The following SLC9A9 variants were observed in gnomAD, a reference collection of about 807,000 sequenced individuals.
SLC9A9 encodes the protein sodium/hydrogen exchanger 9.
A neutral mutation model predicts 77.8 loss-of-function variants in SLC9A9; 62 were observed. That is an observed-to-expected ratio of 0.80 (90% CI 0.65 to 0.98). SLC9A9 has a LOEUF of 0.98. Among genes scored for constraint, SLC9A9 ranks in the 50% least tolerant of loss-of-function variants. The pLI is 0.00. For synonymous variants in SLC9A9, 320 were observed against 283.5 expected (o/e 1.13, Z -1.29); for missense variants, 775 against 774.9 (o/e 1.00, Z 0.00).
chr3:143,381,825 A>G (rs13099123), intron 13 of SLC9A9: 208,621 of 537,008 alleles, frequency 0.39, 41,466 homozygotes, highest in Middle Eastern at 0.42. Context: ...AAGTTTCCAG[A>G]CTTCCTGCTG....
At chr3:143,672,775 ATTTATGCAGATGT>A (rs2039178732) in intron 5 of SLC9A9, among the ~76,000 whole-genome samples, 2 of 152,224 alleles carry the variant, frequency 1.3e-5, no homozygotes, top group Non-Finnish European at 2.9e-5. Context: ...AATCACCATT[ATTTATGCAGATGT>A]TCCCACATAA....
intron 13 of SLC9A9, among the ~76,000 whole-genome samples, chr3:143,366,818 T>C (rs969264572): frequency 6.6e-6 from 1 of 152,158 alleles, no homozygotes; most frequent in Non-Finnish European, 1.5e-5. Context: ...TCCTCTTATC[T>C]AGATGGGGCC....
At chr3:143,814,108 T>C (rs73158092) in intron 2 of SLC9A9, among the ~76,000 whole-genome samples, 74 of 152,190 alleles carry the variant, frequency 4.9e-4, no homozygotes, top group Non-Finnish European at 8.2e-4. Flanking sequence ...GAGGTAAAAA[T>C]AGAAAACTCC....
At chr3:143,604,938 A>C (rs2037897889) in intron 6 of SLC9A9, among the ~76,000 whole-genome samples, 1 of 152,194 alleles carries the variant, frequency 6.6e-6, no homozygotes, top group African/African-American at 2.4e-5. Flanking sequence ...TCCGGTTGAA[A>C]CAAGTTAGAG....
At chr3:143,806,551 A>G (rs2008718502) in intron 2 of SLC9A9, among the ~76,000 whole-genome samples, 11 of 152,220 alleles carry the variant, frequency 7.2e-5, no homozygotes, top group Admixed American at 7.2e-4. Context: ...AAATGTATTA[A>G]AATGGAATGA....
chr3:143,701,043 C>T (rs1419230630), intron 4 of SLC9A9, among the ~76,000 whole-genome samples: 1 of 152,220 alleles, frequency 6.6e-6, no homozygotes, highest in Non-Finnish European at 1.5e-5. Context: ...CCAATCTTAC[C>T]TAAGGCCTTC....
rs115966745 is a variant in SLC9A9 at position 143,300,110 on chromosome 3, C to T, written c.1605-31130G>A. On this transcript the variant is annotated intron_variant, in intron 14 of 15. Coordinates refer to ENST00000316549, the MANE Select transcript of SLC9A9 (RefSeq NM_173653.4). ...TGTTTGGCACACAGGTTGAGAAAGT[C>T]TGACTGAGTGGTTAAAAGCGTGTGC... 5.2e-3 allele frequency among the ~76,000 whole-genome samples: 789 copies of T among 152,268 alleles called. 7 individuals carry two copies. Among genetic ancestry groups the T allele is most frequent in the African/African-American group, 0.012 (484 of 41,556 alleles).
chr3:143,628,194 A>G (rs1278988388), intron 6 of SLC9A9, among the ~76,000 whole-genome samples: 2 of 152,178 alleles, frequency 1.3e-5, no homozygotes, highest in Non-Finnish European at 2.9e-5. Context: ...GGATGGAGGG[A>G]TAAAAGGAGA....
intron 4 of SLC9A9, among the ~76,000 whole-genome samples, chr3:143,735,645 T>A (rs536492183): frequency 6.6e-6 from 1 of 152,378 alleles, no homozygotes; most frequent in African/African-American, 2.4e-5. Flanking sequence ...ATTCAAACCA[T>A]AGGCTTCCTT....
chr3:143,360,692 ATG>A (rs2032725960), intron 14 of SLC9A9, among the ~76,000 whole-genome samples: 1 of 152,236 alleles, frequency 6.6e-6, no homozygotes, highest in Admixed American at 6.5e-5. Context: ...AAACAAAACT[ATG>A]TGAGTGACTG....
chr3:143,769,196 A>T (rs549780636), intron 4 of SLC9A9, among the ~76,000 whole-genome samples: 13 of 152,332 alleles, frequency 8.5e-5, no homozygotes, highest in African/African-American at 3.1e-4. Context: ...AGGAGCTGCC[A>T]AAGTAGATGC....
intron 6 of SLC9A9, among the ~76,000 whole-genome samples, chr3:143,648,515 G>A (rs2038741713): frequency 6.6e-6 from 1 of 152,202 alleles, no homozygotes; most frequent in South Asian, 2.1e-4. Flanking sequence ...CTGCTGTGTG[G>A]CCCAGTTCCT....
chr3:143,270,591 A>T (rs1001048322), intron 14 of SLC9A9, among the ~76,000 whole-genome samples: 1 of 152,194 alleles, frequency 6.6e-6, no homozygotes, highest in African/African-American at 2.4e-5. Flanking sequence ...TGGAGTACAA[A>T]TTAAAAAAAA....
chr3:143,768,839 C>A (rs2007417072), intron 4 of SLC9A9, among the ~76,000 whole-genome samples: 1 of 152,176 alleles, frequency 6.6e-6, no homozygotes, highest in Non-Finnish European at 1.5e-5. Context: ...CACTGTGCAA[C>A]AGTGTGTATA....
At chr3:143,627,514 G>T (rs1258730458) in intron 6 of SLC9A9, 2 of 286,206 alleles carry the variant, frequency 7.0e-6, no homozygotes, top group Non-Finnish European at 1.4e-5. Flanking sequence ...GACACAGTAT[G>T]CCACATGCAG....
chr3:143,442,114 G>C (rs747450661), intron 12 of SLC9A9, among the ~76,000 whole-genome samples: 19 of 152,106 alleles, frequency 1.2e-4, no homozygotes, highest in Admixed American at 1.3e-4. Context: ...AATAGGAGAG[G>C]GAGACAGGTT....
intron 9 of SLC9A9, among the ~76,000 whole-genome samples, chr3:143,519,328 T>C (rs538537859): frequency 6.6e-6 from 1 of 151,710 alleles, no homozygotes; most frequent in East Asian, 1.9e-4. Flanking sequence ...AATAAAACAG[T>C]GAGAGAGCAA....
At chr3:143,313,672 G>T (rs2031101676) in intron 14 of SLC9A9, among the ~76,000 whole-genome samples, 1 of 152,202 alleles carries the variant, frequency 6.6e-6, no homozygotes, top group Non-Finnish European at 1.5e-5. Flanking sequence ...AGCGGTGGAG[G>T]ACTGAAAGTT....
intron 5 of SLC9A9, among the ~76,000 whole-genome samples, chr3:143,674,534 G>T (rs1201157816): frequency 6.6e-6 from 1 of 152,014 alleles, no homozygotes; most frequent in African/African-American, 2.4e-5. Flanking sequence ...AAACCGGTGC[G>T]CCCCAGAATT....
Sources: allele counts gnomAD v4.1 joint callset (sites outside exome capture counted in the v4.1 genomes callset), GRCh38; gene constraint gnomAD v4.1.1; transcripts MANE v1.5; gene names NCBI Gene and HGNC (gene_info 2026-07-23, HGNC 2026-07-21).